The following FNBP4 variants were observed in gnomAD, a reference collection of about 807,000 sequenced individuals.
The protein encoded by FNBP4 is formin binding protein 4, also known as formin-binding protein 4.
FNBP4 carries 34 observed loss-of-function variants against 119.3 expected under a neutral mutation model. That is an observed-to-expected ratio of 0.28 (90% CI 0.22 to 0.38). FNBP4 has a LOEUF of 0.38. Ranked by LOEUF, FNBP4 falls within the 10% of genes least tolerant of loss-of-function variation. The pLI, the probability that FNBP4 is intolerant of heterozygous loss-of-function variation, is 1.00. For missense variants in FNBP4, 1,112 were observed against 1,228.9 expected (o/e 0.90, Z 1.42); for synonymous variants, 462 against 430.6 (o/e 1.07, Z -0.90).
chr11:47,742,476 T>A (rs1367836857), intron 8 of FNBP4, among the ~76,000 whole-genome samples: 1 of 3,616 alleles, frequency 2.8e-4, no homozygotes, highest in Non-Finnish European at 8.1e-4. Flanking sequence ...AGACTCCGTC[T>A]CAAAAAAAAA....
At chr11:47,755,220 C>T (rs866861954) in intron 2 of FNBP4, among the ~76,000 whole-genome samples, 19 of 151,286 alleles carry the variant, frequency 1.3e-4, no homozygotes, top group Admixed American at 5.3e-4. Flanking sequence ...GAGGCTGAGG[C>T]GGGCAGATCA....
At chr11:47,730,163 C>T (rs770077711) in intron 12 of FNBP4, 16 of 985,250 alleles carry the variant, frequency 1.6e-5, no homozygotes, top group Admixed American at 6.2e-5. Flanking sequence ...TCCAGAACTA[C>T]GATCAAGCCT....
intron 15 of FNBP4, among the ~76,000 whole-genome samples, chr11:47,721,271 A>C (rs1640293814): frequency 6.6e-6 from 1 of 151,200 alleles, no homozygotes; most frequent in African/African-American, 2.4e-5. Context: ...TAAATAAATA[A>C]ATAAAAATAA....
In FNBP4 at chr11:47,741,447, T is replaced by G. The variant is rs116576881; in HGVS notation, c.1456+2506A>C. On this transcript the variant is annotated intron_variant, in intron 8 of 16. Transcript: ENST00000263773. The stretch of plus-strand genomic sequence containing the variant: ...CCCTCCGAAAGTAAATATTATTGTT[T>G]CTATGATTAAGCCACATTGATGCAC... Among the ~76,000 whole-genome samples, 917 of 151,846 alleles carry G rather than the reference T, an allele frequency of 6.0e-3. 51 individuals are homozygous for G. Among genetic ancestry groups the G allele is most frequent in the African/African-American group, 0.021 (866 of 41,164 alleles).
chr11:47,732,580 C>G lies in FNBP4; in HGVS notation c.1777G>C (p.Glu593Gln). 1 of 1,614,092 alleles carries G rather than the reference C, an allele frequency of 6.2e-7. No homozygotes were observed. Residue 593 changes from glutamate to glutamine, a missense_variant, in exon 11 of 17, where the codon GAA becomes CAA. Coordinates refer to ENST00000263773, the MANE Select transcript of FNBP4 (RefSeq NM_015308.5). This position sits in a 1 kb window ranked among gnomAD's most constrained non-coding sequence, Gnocchi z 4.2. ...CAGCCTTTAGGAGTGGCGTTTATTT[C>G]ATACTGTTTTAGTTGTTCTGCTGCA... ...QDAAEQLKQY[E>Q]INATPKGWSC...
chr11:47,734,134 A>G lies in FNBP4; in HGVS notation c.1582-5T>C. On this transcript the variant is annotated splice_polypyrimidine_tract_variant and splice_region_variant and intron_variant, in intron 9 of 16. Coordinates refer to ENST00000263773, the MANE Select transcript of FNBP4 (RefSeq NM_015308.5). ...TGCCAGTTCTCCAATCTGAAACTACAATGCAAAAAAGAAAAAAAGTAAAAC... is the reference window on the plus strand; with the variant it reads ...TGCCAGTTCTCCAATCTGAAACTACGATGCAAAAAAGAAAAAAAGTAAAAC... The G allele has an allele frequency of 6.5e-7, 1 of 1,538,354 alleles. No homozygotes were observed. The highest frequency in any genetic ancestry group is 8.8e-7 in the Non-Finnish European group (1 of 1,139,106).
intron 1 of FNBP4, among the ~76,000 whole-genome samples, chr11:47,766,741 A>T (rs892625096): frequency 2.6e-5 from 4 of 152,276 alleles, no homozygotes; most frequent in African/African-American, 9.6e-5. Flanking sequence ...GCGGAAACTC[A>T]TCCTCACATC....
intron 9 of FNBP4, among the ~76,000 whole-genome samples, chr11:47,734,367 C>T (rs145206097): frequency 1.9e-3 from 284 of 152,194 alleles, no homozygotes; most frequent in Middle Eastern, 0.014. Flanking sequence ...AATCACAATG[C>T]ATTTTAAAAA....
In FNBP4 at chr11:47,748,195, C is replaced by T. The variant is rs1007449694; in HGVS notation, c.907-1801G>A. On this transcript the variant is annotated intron_variant, in intron 6 of 16. Transcript: ENST00000263773. ...TGGAGGTTGCAGTGAGCAGAGATCG[C>T]GCCACTGCACTCCAGCCTGGGTGAC... Among the ~76,000 whole-genome samples, 7 of 150,792 alleles carry T rather than the reference C, an allele frequency of 4.6e-5. No individual in the cohort carries two copies. In the East Asian group the frequency reaches 5.9e-4, roughly 13 times the overall value.
chr11:47,759,193 T>C (rs2097627267), intron 2 of FNBP4, among the ~76,000 whole-genome samples: 1 of 146,946 alleles, frequency 6.8e-6, no homozygotes, highest in South Asian at 2.3e-4. Flanking sequence ...GTGCTGGGAT[T>C]ACAGGTGTGA....
chr11:47,725,360 C>T (rs2097559857), intron 12 of FNBP4: 1 of 152,224 alleles, frequency 6.6e-6, no homozygotes, highest in African/African-American at 2.4e-5. Context: ...CGGGAAAGTT[C>T]TACCCATTGT....
chr11:47,728,931 C>T (rs889773024), intron 12 of FNBP4, among the ~76,000 whole-genome samples: 54 of 147,722 alleles, frequency 3.7e-4, no homozygotes, highest in African/African-American at 1.3e-3. Flanking sequence ...TGGTTCACTG[C>T]AACCTTCGCC....
intron 15 of FNBP4, 123 bp from the exon 16 acceptor site, chr11:47,720,209 T>A: frequency 1.1e-6 from 1 of 874,794 alleles, no homozygotes. Flanking sequence ...AAAAAGAAAG[T>A]AAATACCATT....
rs187568855 is a variant in FNBP4, at chr11:47,765,457, G to A, written c.221-95C>T. 9.3e-6 allele frequency: 8 copies of A among 856,888 alleles called. No individual in the cohort carries two copies. The Admixed American group carries it at 1.0e-4, about 11-fold the overall frequency. 53.1% of individuals were successfully genotyped at this position (856,888 alleles called of 1,614,324 possible). A position where few individuals can be genotyped will look rare whatever the true frequency, so the allele number is the denominator to read the frequency against. On this transcript the variant is annotated intron_variant, in intron 1 of 16. Coordinates refer to ENST00000263773, the MANE Select transcript of FNBP4 (RefSeq NM_015308.5). ...CCAGACCAGAGAAAACACTAGAGGT[G>A]ACAAACCAACCTTTGATTTAACATT...
rs543490755 is a variant in FNBP4 at position 47,756,975 on chromosome 11, T to G, written c.314-2311A>C. Among the ~76,000 whole-genome samples the G allele has an allele frequency of 3.8e-4, 58 of 152,302 alleles. No homozygotes were observed. The Middle Eastern group carries it at 0.01, about 27-fold the overall frequency. On this transcript the variant is annotated intron_variant, in intron 2 of 16. Transcript: ENST00000263773. ...GACATTCGGGTTGGTTCCAAGTCTT[T>G]GCTATTGTGAATAGTGCTGCAGTAA...
chr11:47,749,416 A>C (rs1208571593), intron 6 of FNBP4, among the ~76,000 whole-genome samples: 1 of 152,068 alleles, frequency 6.6e-6, no homozygotes, highest in African/African-American at 2.4e-5. Flanking sequence ...AAATAGAAAA[A>C]TTAGTCAGGC....
chr11:47,723,101 G>C lies in FNBP4; in HGVS notation c.2680C>G (p.Arg894Gly), dbSNP rs1223448553. 1.2e-6 allele frequency: 2 copies of C among 1,613,776 alleles called. No homozygotes were observed. The highest frequency in any genetic ancestry group is 1.7e-6 in the Non-Finnish European group (2 of 1,179,930). ...ATGGTAGCGGTAGGCACAGCACCTCGGGCCTGAACTGGCTGCAATGAGGGA... is the reference window on the plus strand; with the variant it reads ...ATGGTAGCGGTAGGCACAGCACCTCCGGCCTGAACTGGCTGCAATGAGGGA... Reference protein sequence around the residue: ...TAPSLQPVQARGAVPTATIIE... With the variant: ...TAPSLQPVQAGGAVPTATIIE... Residue 894 changes from arginine to glycine, a missense_variant, in exon 15 of 17, where the codon CGA becomes GGA. Coordinates refer to ENST00000263773, the MANE Select transcript of FNBP4 (RefSeq NM_015308.5).
rs1398462519 is a variant in FNBP4 at position 47,767,311 on chromosome 11, G to A, written c.-23C>T. 1 of 1,467,602 alleles carries A rather than the reference G, an allele frequency of 6.8e-7. No individual in the cohort carries two copies. Among genetic ancestry groups the A allele is most frequent in the Non-Finnish European group, 9.0e-7 (1 of 1,115,960 alleles). The allele number at this position is 1,467,602 out of a possible 1,614,324, so 90.9% of individuals were successfully genotyped here. On this transcript the variant is annotated 5_prime_UTR_variant, in exon 1 of 17. Transcript: ENST00000263773. ...CATCGCGAGCCCAAGCGCGAGCAGA[G>A]AGCGTCGGGCGGCCGAGAGGGGCGG...
At chr11:47,748,415 T>C (rs2097595198) in intron 6 of FNBP4, among the ~76,000 whole-genome samples, 1 of 151,790 alleles carries the variant, frequency 6.6e-6, no homozygotes, top group Non-Finnish European at 1.5e-5. Flanking sequence ...TTCTGGATGG[T>C]CTCACTCTGT....
Sources: allele counts gnomAD v4.1 joint callset (sites outside exome capture counted in the v4.1 genomes callset), GRCh38; gene constraint gnomAD v4.1.1; non-coding constraint Gnocchi (gnomAD v3.1); transcripts MANE v1.5; gene names NCBI Gene and HGNC (gene_info 2026-07-23, HGNC 2026-07-21).